Variants in SETDB2 observed in about 807,000 individuals in gnomAD.
SETDB2 encodes histone-lysine N-methyltransferase SETDB2.
A neutral mutation model predicts 82.5 loss-of-function variants in SETDB2; 56 were observed. The observed-to-expected ratio is 0.68, with a 90% confidence interval of 0.55 to 0.85. The LOEUF (loss-of-function observed/expected upper bound fraction) is 0.85, where lower values mean the gene tolerates loss of function less well. Among genes scored for constraint, SETDB2 ranks in the 40% least tolerant of loss-of-function variants. SETDB2 has a pLI of 0.00. For missense variants in SETDB2, 677 were observed against 816.4 expected (o/e 0.83, Z 2.08); for synonymous variants, 272 against 284.9 (o/e 0.95, Z 0.46).
intron 2 of SETDB2, among the ~76,000 whole-genome samples, chr13:49,454,081 A>G (rs1957832670): frequency 6.6e-6 from 1 of 152,072 alleles, no homozygotes; most frequent in Non-Finnish European, 1.5e-5. Flanking sequence ...CCCACCATCC[A>G]TTTACTTAAT....
At chr13:49,458,468 T>C (rs1359393080) in intron 2 of SETDB2, among the ~76,000 whole-genome samples, 1 of 152,232 alleles carries the variant, frequency 6.6e-6, no homozygotes, top group Non-Finnish European at 1.5e-5. Context: ...AAAGCCTAGG[T>C]TGTTAATCAC....
rs1330502858 is a variant in SETDB2 at position 49,488,629 on chromosome 13, A to G, written c.1916A>G (p.Asn639Ser). ...GAAGGAAATGTCGGCCGCTTCCTTAATGTGAGTATAAGGGCTGAGATTCCT... is the reference window on the plus strand; with the variant it reads ...GAAGGAAATGTCGGCCGCTTCCTTAGTGTGAGTATAAGGGCTGAGATTCCT... Reference protein sequence around the residue: ...TKEGNVGRFLNHSCCPNLLVQ... With the variant: ...TKEGNVGRFLSHSCCPNLLVQ... The change falls in exon 12 of 14, where the codon AAT becomes AGT. Residue 639 changes from asparagine to serine, a missense_variant and splice_region_variant. This residue lies in a region of SETDB2 where 420 missense variants were observed against 554.6 expected (regional missense o/e 0.76). Coordinates refer to ENST00000611815, the MANE Select transcript of SETDB2 (RefSeq NM_001160308.3). The G allele has an allele frequency of 6.3e-7, 1 of 1,584,052 alleles. No individual in the cohort carries two copies. The highest frequency in any genetic ancestry group is 2.2e-5 in the East Asian group (1 of 44,714).
At chr13:49,466,476 A>G (rs925465512) in intron 4 of SETDB2, among the ~76,000 whole-genome samples, 2 of 151,990 alleles carry the variant, frequency 1.3e-5, no homozygotes, top group Non-Finnish European at 2.9e-5. Flanking sequence ...GTTAATGTGT[A>G]ACATCTCAAC....
intron 2 of SETDB2, among the ~76,000 whole-genome samples, chr13:49,458,781 A>G (rs539419863): frequency 1.4e-4 from 21 of 152,374 alleles, no homozygotes; most frequent in African/African-American, 4.6e-4. Flanking sequence ...ACCTTAATGA[A>G]TAGCATTATT....
At chr13:49,480,194 T>C in intron 6 of SETDB2, 25 bp from the exon 7 acceptor site, 1 of 1,474,122 alleles carries the variant, frequency 6.8e-7, no homozygotes, top group Non-Finnish European at 9.3e-7. Flanking sequence ...TTTCATTCTT[T>C]CTCCATCCAT....
rs1958731472 is a variant in SETDB2 at position 49,492,470 on chromosome 13, A to G, written c.*621A>G. ...GTAAGATTCTGGCAAGCTCTTTGAA[A>G]TGAGTCTTCTTTCCCACAGATTTTC... is the stretch of plus-strand genomic sequence containing the variant. On this transcript the variant is annotated 3_prime_UTR_variant, in exon 14 of 14. Transcript: ENST00000611815. The G allele has an allele frequency of 6.6e-6, 1 of 152,566 alleles. No homozygotes were observed. Among genetic ancestry groups the G allele is most frequent in the South Asian group, 2.1e-4 (1 of 4,846 alleles). The allele number at this position is 152,566 out of a possible 1,614,324, so 9.5% of individuals were successfully genotyped here. A position where few individuals can be genotyped will look rare whatever the true frequency, so the allele number is the denominator to read the frequency against.
At chr13:49,460,502 C>T (rs1037568613) in intron 3 of SETDB2, among the ~76,000 whole-genome samples, 1 of 152,012 alleles carries the variant, frequency 6.6e-6, no homozygotes, top group African/African-American at 2.4e-5. Flanking sequence ...ATTCCACATT[C>T]AGAGACAACT....
intron 5 of SETDB2, among the ~76,000 whole-genome samples, chr13:49,469,075 C>A (rs950608610): frequency 1.3e-5 from 2 of 152,062 alleles, no homozygotes; most frequent in African/African-American, 4.8e-5. Context: ...TGTGAAGTAT[C>A]ATTTTTTGCT....
intron 12 of SETDB2, 37 bp downstream of exon 12, chr13:49,488,667 CTG>C (rs1433033666): frequency 1.3e-6 from 2 of 1,485,214 alleles, no homozygotes; most frequent in African/African-American, 1.4e-5. Flanking sequence ...TTCTGAACAA[CTG>C]TTTTTTTCTA....
At chr13:49,450,851 A>G (rs188589827) in intron 1 of SETDB2, among the ~76,000 whole-genome samples, 381 of 151,996 alleles carry the variant, frequency 2.5e-3, no homozygotes, top group Middle Eastern at 0.01. Context: ...TGCCAGAGAT[A>G]TGTATAAAGT....
At chr13:49,487,709 T>C (rs74076038) in intron 11 of SETDB2, among the ~76,000 whole-genome samples, 4,055 of 152,338 alleles carry the variant, frequency 0.027, 177 homozygotes, top group African/African-American at 0.09. Context: ...GATTAAGCAG[T>C]GCATCTGCTT....
intron 12 of SETDB2, among the ~76,000 whole-genome samples, chr13:49,490,577 T>C (rs1038472914): frequency 2.6e-5 from 4 of 152,178 alleles, no homozygotes; most frequent in African/African-American, 9.7e-5. Context: ...TAATGATAAA[T>C]ATTGACATAT....
At position 49,492,213 on chromosome 13, in the gene SETDB2, TCATG is replaced by T. The variant is rs1958726533; in HGVS notation, c.*366_*369del. ...GCTTTTGTGACTGTTACCTTTTAGT[TCATG>T]CCCCCCCAAAGAGCTAAATTTCACA... is the stretch of plus-strand genomic sequence containing the variant. On this transcript the variant is annotated 3_prime_UTR_variant, in exon 14 of 14. Transcript: ENST00000611815. 1 of 183,066 alleles carries T rather than the reference TCATG, an allele frequency of 5.5e-6. No homozygotes were observed. The highest frequency in any genetic ancestry group is 2.4e-5 in the African/African-American group (1 of 41,786). 11.3% of individuals were successfully genotyped at this position (183,066 alleles called of 1,614,324 possible).
intron 1 of SETDB2, chr13:49,446,361 T>C: frequency 1.1e-5 from 5 of 456,302 alleles, no homozygotes; most frequent in South Asian, 7.8e-5. Context: ...AGTTCGTATA[T>C]GATAAAAATT....
chr13:49,462,766 G>A (rs1002944249), intron 4 of SETDB2, among the ~76,000 whole-genome samples: 6 of 152,108 alleles, frequency 3.9e-5, no homozygotes, highest in African/African-American at 1.4e-4. Context: ...ATATAGTCTA[G>A]CATCACCAGT....
intron 10 of SETDB2, 92 bp from the exon 11 acceptor site, chr13:49,485,538 C>A: frequency 1.1e-6 from 1 of 946,546 alleles, no homozygotes; most frequent in Non-Finnish European, 1.7e-6. Context: ...GTACATATAG[C>A]CTATGATGAT....
intron 3 of SETDB2, 59 bp downstream of exon 3, chr13:49,460,291 C>T (rs1202964862): frequency 6.0e-6 from 9 of 1,497,826 alleles, no homozygotes; most frequent in Middle Eastern, 1.8e-4. Context: ...TCTGACAGTA[C>T]AGTATCATTC....
intron 1 of SETDB2, among the ~76,000 whole-genome samples, chr13:49,447,556 T>G (rs530064836): frequency 5.6e-4 from 86 of 152,230 alleles, no homozygotes; most frequent in African/African-American, 2.0e-3. Flanking sequence ...AAAGTTCTCT[T>G]TTTTCCTAAT....
chr13:49,491,093 A>G (rs1172957003), intron 13 of SETDB2, among the ~76,000 whole-genome samples, 183 bp downstream of exon 13: 1 of 152,208 alleles, frequency 6.6e-6, no homozygotes, highest in East Asian at 1.9e-4. Flanking sequence ...TCTTTACTAA[A>G]AAAAATAGAA....
Sources: gnomAD v4.1 joint callset for allele counts (sites outside exome capture counted in the v4.1 genomes callset) on GRCh38, gnomAD v4.1.1 for gene constraint, gnomAD v4.1.1 regional missense constraint, MANE v1.5 for transcripts, NCBI Gene and HGNC (gene_info 2026-07-23, HGNC 2026-07-21) for gene names.